Variants in LRRC4C observed in about 807,000 individuals in gnomAD.
LRRC4C encodes leucine-rich repeat-containing protein 4C.
A neutral mutation model predicts 33.6 loss-of-function variants in LRRC4C; 5 were observed. The ratio of observed to expected loss-of-function variants is 0.15; its 90% CI spans 0.08 to 0.31. The LOEUF (loss-of-function observed/expected upper bound fraction) is 0.31. LRRC4C is among the 10% of genes least tolerant of loss of function. The pLI is 1.00. For synonymous variants in LRRC4C, 329 were observed against 302.0 expected (o/e 1.09, Z -0.93); for missense variants, 560 against 796.7 (o/e 0.70, Z 3.58).
At chr11:40,772,415 G>A (rs1949796293) in intron 2 of LRRC4C, among the ~76,000 whole-genome samples, 1 of 152,172 alleles carries the variant, frequency 6.6e-6, no homozygotes, top group South Asian at 2.1e-4. Flanking sequence ...GATTTGGGTG[G>A]TGACACAGAG....
chr11:41,029,771 A>T (rs1462436551), intron 1 of LRRC4C, among the ~76,000 whole-genome samples: 1 of 151,822 alleles, frequency 6.6e-6, no homozygotes, highest in African/African-American at 2.4e-5. Flanking sequence ...GTAAATAGGT[A>T]ATGTCAACAT....
At chr11:40,655,677 G>A (rs1381183886) in intron 2 of LRRC4C, among the ~76,000 whole-genome samples, 2 of 152,136 alleles carry the variant, frequency 1.3e-5, no homozygotes, top group East Asian at 3.9e-4. Flanking sequence ...ACAACAGGAG[G>A]AAAAGAATCA....
intron 1 of LRRC4C, among the ~76,000 whole-genome samples, chr11:41,043,296 A>T (rs1319800858): frequency 6.6e-6 from 1 of 151,868 alleles, no homozygotes; most frequent in East Asian, 1.9e-4. Context: ...AGACCACAAC[A>T]CCATCAACAC....
chr11:40,337,318 A>G (rs1015366829), intron 3 of LRRC4C, among the ~76,000 whole-genome samples: 4 of 152,204 alleles, frequency 2.6e-5, no homozygotes, highest in African/African-American at 9.6e-5. Flanking sequence ...AGATTTTCAG[A>G]AAGGAAACCA....
chr11:40,733,166 C>T (rs904105110), intron 2 of LRRC4C, among the ~76,000 whole-genome samples: 4 of 143,820 alleles, frequency 2.8e-5, no homozygotes, highest in Non-Finnish European at 6.0e-5. Context: ...AGCTCCGCCT[C>T]CCGGGTTCAC....
At chr11:40,543,557 G>C (rs1450745482) in intron 3 of LRRC4C, among the ~76,000 whole-genome samples, 1 of 152,078 alleles carries the variant, frequency 6.6e-6, no homozygotes, top group African/African-American at 2.4e-5. Flanking sequence ...CCTGAATAAA[G>C]GGGGTCGTAG....
chr11:40,787,259 A>G lies in LRRC4C; in HGVS notation c.-406-138981T>C, dbSNP rs189229669. On this transcript the variant is annotated intron_variant, in intron 2 of 6. Transcript: ENST00000528697. ...TCACACATTGTTCTGTTAATTGCCA[A>G]CTGGGGGGGGTAGGGGGAGGAACAG... Among the ~76,000 whole-genome samples, 24 of 145,592 alleles carry G rather than the reference A, an allele frequency of 1.6e-4. No homozygotes were observed. The East Asian group carries it at 4.7e-3, about 28-fold the overall frequency.
At chr11:41,323,615 T>C (rs182974290) in intron 1 of LRRC4C, among the ~76,000 whole-genome samples, 7 of 152,310 alleles carry the variant, frequency 4.6e-5, no homozygotes, top group Middle Eastern at 3.4e-3. Context: ...AGCCCTTCCC[T>C]ACGCAGTCTG....
intron 2 of LRRC4C, among the ~76,000 whole-genome samples, chr11:40,879,130 C>T (rs1424312228): frequency 6.6e-6 from 1 of 152,142 alleles, no homozygotes; most frequent in African/African-American, 2.4e-5. Flanking sequence ...CTCATGTGCT[C>T]CATGGAGCTC....
chr11:40,709,599 T>C (rs1181895957), intron 2 of LRRC4C, among the ~76,000 whole-genome samples: 1 of 152,190 alleles, frequency 6.6e-6, no homozygotes, highest in African/African-American at 2.4e-5. Context: ...GGCTTCCTTT[T>C]GTGGGAAACT....
At chr11:40,699,689 C>A (rs1400916715) in intron 2 of LRRC4C, among the ~76,000 whole-genome samples, 24 of 152,028 alleles carry the variant, frequency 1.6e-4, no homozygotes, top group Non-Finnish European at 4.4e-5. Flanking sequence ...CAAAGAAATA[C>A]ACACACACAC....
chr11:40,946,567 TC>T (rs1229651665), intron 1 of LRRC4C, among the ~76,000 whole-genome samples: 1 of 152,152 alleles, frequency 6.6e-6, no homozygotes, highest in Non-Finnish European at 1.5e-5. Context: ...GTGTAAACAT[TC>T]CCTTTTCTCC....
At chr11:40,202,247 C>G (rs958288572) in intron 5 of LRRC4C, among the ~76,000 whole-genome samples, 2 of 147,410 alleles carry the variant, frequency 1.4e-5, no homozygotes, top group Non-Finnish European at 3.0e-5. Context: ...AAGAGGGATT[C>G]CACACTTGGC....
chr11:40,283,425 A>G (rs891388744), intron 4 of LRRC4C, among the ~76,000 whole-genome samples: 7 of 148,392 alleles, frequency 4.7e-5, no homozygotes, highest in African/African-American at 1.7e-4. Context: ...TAGTAAAAGT[A>G]AAAAAAAAAT....
chr11:40,152,957 G>A (rs971748864), intron 5 of LRRC4C, among the ~76,000 whole-genome samples: 14 of 152,140 alleles, frequency 9.2e-5, no homozygotes, highest in Non-Finnish European at 1.6e-4. Flanking sequence ...TTTCTGGAAA[G>A]CACCACCTCC....
chr11:40,215,237 A>G (rs1863891478), intron 5 of LRRC4C, among the ~76,000 whole-genome samples: 1 of 152,178 alleles, frequency 6.6e-6, no homozygotes, highest in Non-Finnish European at 1.5e-5. Context: ...TCACGACATA[A>G]TATTATCTCC....
intron 1 of LRRC4C, among the ~76,000 whole-genome samples, chr11:41,395,386 C>T (rs1591423551): frequency 6.6e-6 from 1 of 151,828 alleles, no homozygotes; most frequent in South Asian, 2.1e-4. Flanking sequence ...GGTCTGGAGA[C>T]GTGTGGGTTA....
At chr11:41,455,737 A>C (rs925359492) in intron 1 of LRRC4C, among the ~76,000 whole-genome samples, 2 of 152,122 alleles carry the variant, frequency 1.3e-5, no homozygotes, top group Admixed American at 1.3e-4. Flanking sequence ...ACAATATTTC[A>C]TCATAGCCTT....
chr11:41,392,735 CA>C (rs1555164347), intron 1 of LRRC4C, among the ~76,000 whole-genome samples: 1 of 151,418 alleles, frequency 6.6e-6, no homozygotes, highest in Admixed American at 6.6e-5. Flanking sequence ...GGAAGAAAGA[CA>C]TGTGATAATG....
Sources: allele counts gnomAD v4.1 joint callset (sites outside exome capture counted in the v4.1 genomes callset), GRCh38; gene constraint gnomAD v4.1.1; transcripts MANE v1.5; gene names NCBI Gene and HGNC (gene_info 2026-07-23, HGNC 2026-07-21).